DLG2: variants seen among roughly 807,000 people sequenced by gnomAD.
DLG2 encodes discs large MAGUK scaffold protein 2, also known as disks large homolog 2.
DLG2 carries 45 observed loss-of-function variants against 132.5 expected under a neutral mutation model. The observed-to-expected ratio is 0.34, with a 90% confidence interval of 0.27 to 0.44. The LOEUF is 0.44. DLG2 is among the 20% of genes least tolerant of loss of function. The pLI, the probability that DLG2 is intolerant of heterozygous loss-of-function variation, is 1.00. For synonymous variants in DLG2, 424 were observed against 419.6 expected, an observed-to-expected ratio of 1.01 and a Z score of -0.13; for missense variants, 1,045 against 1,196.9, an observed-to-expected ratio of 0.87 and a Z score of 1.87.
intron 3 of DLG2, among the ~76,000 whole-genome samples, chr11:85,561,841 T>C (rs2153223900): frequency 6.6e-6 from 1 of 152,026 alleles, no homozygotes; most frequent in East Asian, 1.9e-4. Flanking sequence ...TGAACACTTA[T>C]AATATGCCAG....
At chr11:84,756,950 G>A (rs1022483884) in intron 6 of DLG2, among the ~76,000 whole-genome samples, 1 of 152,082 alleles carries the variant, frequency 6.6e-6, no homozygotes, top group Non-Finnish European at 1.5e-5. Flanking sequence ...GGGTGGAAGA[G>A]GCATCAGCCT....
Position 83,613,039 on chromosome 11 carries a change from C to T in DLG2, c.1940+20172G>A, listed in dbSNP as rs79806722. Among the ~76,000 whole-genome samples the T allele has an allele frequency of 4.0e-3, 616 of 152,314 alleles. 5 individuals are homozygous for T. The highest frequency in any genetic ancestry group is 5.8e-3 in the Non-Finnish European group (395 of 68,026). On this transcript the variant is annotated intron_variant, in intron 19 of 27. Transcript: ENST00000376104. Reference sequence around the variant, plus strand: ...CGTGGAAACAGAACATCCCTCCCACCAGGCAGGCTGGCCTAATGTTTCCAT... The same window carrying T: ...CGTGGAAACAGAACATCCCTCCCACTAGGCAGGCTGGCCTAATGTTTCCAT...
intron 3 of DLG2, among the ~76,000 whole-genome samples, chr11:85,550,638 G>A (rs760417083): frequency 5.9e-5 from 9 of 152,206 alleles, no homozygotes; most frequent in Non-Finnish European, 1.3e-4. Flanking sequence ...CCATGAAGGG[G>A]TCAGGGAAAT....
intron 7 of DLG2, among the ~76,000 whole-genome samples, chr11:84,461,089 T>G (rs1323046948): frequency 6.6e-6 from 1 of 150,888 alleles, no homozygotes; most frequent in African/African-American, 2.4e-5. Flanking sequence ...GAAACTGCAT[T>G]AGGAAGACTA....
chr11:84,518,735 A>T (rs536612181), intron 7 of DLG2, among the ~76,000 whole-genome samples: 154 of 152,278 alleles, frequency 1.0e-3, no homozygotes, highest in African/African-American at 3.4e-3. Context: ...CAATTTTATT[A>T]GGCTACTTTT....
intron 18 of DLG2, among the ~76,000 whole-genome samples, chr11:83,784,128 A>G (rs1374668645): frequency 1.3e-5 from 2 of 152,212 alleles, no homozygotes; most frequent in African/African-American, 4.8e-5. Context: ...AAGTATGCCA[A>G]TAAAATCATC....
At chr11:85,425,674 A>T (rs572069412) in intron 3 of DLG2, among the ~76,000 whole-genome samples, 1 of 152,302 alleles carries the variant, frequency 6.6e-6, no homozygotes, top group African/African-American at 2.4e-5. Context: ...AAGATGGCCA[A>T]ATAGGAACAG....
intron 18 of DLG2, among the ~76,000 whole-genome samples, chr11:83,662,456 T>C (rs1412361670): frequency 1.3e-5 from 2 of 152,228 alleles, no homozygotes. Flanking sequence ...CGGAGTGTTA[T>C]ATTCTCTTGG....
At chr11:83,923,008 A>T (rs790380) in intron 15 of DLG2, among the ~76,000 whole-genome samples, 25,584 of 151,860 alleles carry the variant, frequency 0.17, 2,585 homozygotes, top group Non-Finnish European at 0.23. Context: ...ACATGCTGCC[A>T]TTTACAGGGA....
At chr11:85,249,667 A>G (rs2152692716) in intron 4 of DLG2, among the ~76,000 whole-genome samples, 1 of 152,226 alleles carries the variant, frequency 6.6e-6, no homozygotes, top group South Asian at 2.1e-4. Flanking sequence ...ATGGAGACAA[A>G]GGTCACTTAT....
intron 7 of DLG2, among the ~76,000 whole-genome samples, chr11:84,449,423 C>G (rs1260656780): frequency 6.6e-6 from 1 of 151,606 alleles, no homozygotes; most frequent in Non-Finnish European, 1.5e-5. Context: ...CAACCTCTCT[C>G]CAGCTTAAAA....
intron 7 of DLG2, among the ~76,000 whole-genome samples, chr11:84,401,041 C>T (rs2098827636): frequency 6.6e-6 from 1 of 152,104 alleles, no homozygotes; most frequent in African/African-American, 2.4e-5. Context: ...TTGATTCCTT[C>T]ATTTAATCTT....
chr11:85,005,603 C>T (rs1397846791), intron 6 of DLG2, among the ~76,000 whole-genome samples: 1 of 152,128 alleles, frequency 6.6e-6, no homozygotes, highest in Non-Finnish European at 1.5e-5. Context: ...GCAGAAGTTG[C>T]TTATTGGCTT....
intron 6 of DLG2, among the ~76,000 whole-genome samples, chr11:84,819,670 G>T (rs576228279): frequency 6.6e-6 from 1 of 151,960 alleles, no homozygotes; most frequent in South Asian, 2.1e-4. Context: ...CCAAGGAGAA[G>T]AATTTAACAG....
At chr11:85,467,894 A>C (rs61307404) in intron 3 of DLG2, among the ~76,000 whole-genome samples, 5,213 of 151,912 alleles carry the variant, frequency 0.034, 283 homozygotes, top group African/African-American at 0.12. Context: ...GCTACCAGCA[A>C]CTCCTTGTAC....
chr11:85,385,385 G>A (rs950801425), intron 3 of DLG2, among the ~76,000 whole-genome samples: 2 of 151,988 alleles, frequency 1.3e-5, no homozygotes, highest in Admixed American at 1.3e-4. Flanking sequence ...TGTTTGTTTT[G>A]TTTTTTTACC....
At chr11:84,341,683 C>A (rs1328119273) in intron 7 of DLG2, among the ~76,000 whole-genome samples, 1 of 152,202 alleles carries the variant, frequency 6.6e-6, no homozygotes, top group African/African-American at 2.4e-5. Context: ...CTAGATAAAC[C>A]CACTGCTAGA....
At chr11:85,054,134 G>T (rs940382816) in intron 6 of DLG2, among the ~76,000 whole-genome samples, 1 of 151,660 alleles carries the variant, frequency 6.6e-6, no homozygotes, top group African/African-American at 2.4e-5. Context: ...GTGTGCTGGT[G>T]CATGCCTGTA....
chr11:84,036,631 A>G (rs1430231965), intron 11 of DLG2, among the ~76,000 whole-genome samples: 1 of 152,138 alleles, frequency 6.6e-6, no homozygotes, highest in Admixed American at 6.6e-5. Flanking sequence ...AGCCCAGATA[A>G]TTTTTATTTT....
Sources: gnomAD v4.1 joint callset for allele counts (sites outside exome capture counted in the v4.1 genomes callset) on GRCh38, gnomAD v4.1.1 for gene constraint, MANE v1.5 for transcripts, NCBI Gene and HGNC (gene_info 2026-07-23, HGNC 2026-07-21) for gene names.